SGCZ: variants seen among roughly 807,000 people sequenced by gnomAD.
SGCZ encodes zeta-sarcoglycan.
SGCZ carries 40 observed loss-of-function variants against 41.3 expected under a neutral mutation model. The observed-to-expected ratio is 0.97, with a 90% CI of 0.75 to 1.26. The LOEUF (loss-of-function observed/expected upper bound fraction) is 1.26. SGCZ is among the 50% of genes most tolerant of loss of function. SGCZ has a pLI of 0.00. For missense variants in SGCZ, 552 were observed against 369.8 expected, an observed-to-expected ratio of 1.49 and a Z score of -4.04; for synonymous variants, 206 against 137.5, an observed-to-expected ratio of 1.50 and a Z score of -3.49.
chr8:14,787,189 G>A (rs1800796108), intron 1 of SGCZ, among the ~76,000 whole-genome samples: 1 of 152,134 alleles, frequency 6.6e-6, no homozygotes, highest in East Asian at 1.9e-4. Context: ...ATCCCCATCT[G>A]CAGGGGCTGT....
chr8:14,510,318 G>A (rs951793456), intron 2 of SGCZ, among the ~76,000 whole-genome samples: 1 of 152,006 alleles, frequency 6.6e-6, no homozygotes, highest in African/African-American at 2.4e-5. Flanking sequence ...TCTGTTACTA[G>A]CTAGATAGGT....
chr8:14,559,557 C>T (rs1398022165), intron 1 of SGCZ, among the ~76,000 whole-genome samples: 5 of 151,976 alleles, frequency 3.3e-5, no homozygotes, highest in African/African-American at 1.2e-4. Flanking sequence ...ACCATACTTC[C>T]CAAAGCAATC....
chr8:14,529,085 G>A (rs1011973828), intron 2 of SGCZ, among the ~76,000 whole-genome samples: 1 of 151,938 alleles, frequency 6.6e-6, no homozygotes, highest in African/African-American at 2.4e-5. Flanking sequence ...CCACTTTTAT[G>A]ACCAATCATT....
intron 3 of SGCZ, among the ~76,000 whole-genome samples, chr8:14,268,479 G>C (rs987932366): frequency 6.6e-6 from 1 of 151,520 alleles, no homozygotes; most frequent in South Asian, 2.1e-4. Context: ...TTGCATATTT[G>C]CTATAACACA....
chr8:14,743,444 TG>T (rs1238611658), intron 1 of SGCZ, among the ~76,000 whole-genome samples: 1 of 152,080 alleles, frequency 6.6e-6, no homozygotes, highest in Non-Finnish European at 1.5e-5. Context: ...TCATATACTG[TG>T]CCCTATAGAA....
chr8:14,318,964 C>A lies in SGCZ; in HGVS notation c.336+5139G>T, dbSNP rs146150156. ...ACAAAAAAAAATATGAATTAGAGAG[C>A]GTAAGGGCAAAACTTATTTGAAAAA... On this transcript the variant is annotated intron_variant, in intron 3 of 7. Coordinates refer to ENST00000382080, the MANE Select transcript of SGCZ (RefSeq NM_139167.4). Among the ~76,000 whole-genome samples the A allele has an allele frequency of 5.8e-3, 881 of 150,690 alleles. 11 individuals are homozygous for A. The highest frequency in any genetic ancestry group is 0.021 in the African/African-American group (850 of 40,990).
intron 1 of SGCZ, among the ~76,000 whole-genome samples, chr8:14,645,789 C>G (rs1807194400): frequency 6.6e-6 from 1 of 151,594 alleles, no homozygotes; most frequent in South Asian, 2.1e-4. Flanking sequence ...GATTGATACA[C>G]TCATTAACAA....
chr8:14,151,683 G>C (rs917641196), intron 5 of SGCZ, among the ~76,000 whole-genome samples: 2 of 152,046 alleles, frequency 1.3e-5, no homozygotes, highest in African/African-American at 4.8e-5. Flanking sequence ...AATACAGTTG[G>C]AGGAATCACT....
At chr8:14,969,048 A>G (rs1011143210) in intron 1 of SGCZ, among the ~76,000 whole-genome samples, 1 of 152,102 alleles carries the variant, frequency 6.6e-6, no homozygotes. Flanking sequence ...TTTTTTGACA[A>G]GTGTGATGGA....
chr8:14,553,989 G>A (rs889311386), intron 2 of SGCZ, among the ~76,000 whole-genome samples: 2 of 152,038 alleles, frequency 1.3e-5, no homozygotes, highest in African/African-American at 2.4e-5. Flanking sequence ...GCATCAGCCA[G>A]AAAATATAAA....
At chr8:14,475,408 A>G (rs1165940883) in intron 2 of SGCZ, among the ~76,000 whole-genome samples, 5 of 152,180 alleles carry the variant, frequency 3.3e-5, no homozygotes, top group Admixed American at 2.6e-4. Flanking sequence ...TATTAACTAT[A>G]AAAAGGTTTT....
At chr8:14,947,128 G>C (rs892204460) in intron 1 of SGCZ, among the ~76,000 whole-genome samples, 1 of 152,288 alleles carries the variant, frequency 6.6e-6, no homozygotes, top group African/African-American at 2.4e-5. Flanking sequence ...ACTTTGAAAA[G>C]CAACACTCTC....
At chr8:15,069,294 A>G (rs1002223458) in intron 1 of SGCZ, among the ~76,000 whole-genome samples, 2 of 152,150 alleles carry the variant, frequency 1.3e-5, no homozygotes, top group African/African-American at 4.8e-5. Context: ...TCAGTCTCCC[A>G]AAGTGCTAGG....
chr8:14,423,448 C>T (rs72607309), intron 2 of SGCZ, among the ~76,000 whole-genome samples: 7,669 of 152,010 alleles, frequency 0.05, 465 homozygotes, highest in East Asian at 0.29. Flanking sequence ...TGGAGTTTCG[C>T]TCTTGTTGGC....
At chr8:14,258,233 T>TGTA (rs1240525473) in intron 3 of SGCZ, among the ~76,000 whole-genome samples, 1 of 98,796 alleles carries the variant, frequency 1.0e-5, no homozygotes, top group Non-Finnish European at 2.7e-5. Flanking sequence ...GTATGAAGAT[T>TGTA]ATAATGAAAA....
At chr8:14,346,060 A>G (rs1315631874) in intron 2 of SGCZ, among the ~76,000 whole-genome samples, 2 of 152,114 alleles carry the variant, frequency 1.3e-5, no homozygotes, top group Non-Finnish European at 2.9e-5. Context: ...CAAAGAGTAA[A>G]TTCTAATGTG....
At chr8:14,122,581 A>T (rs1416339528) in intron 5 of SGCZ, among the ~76,000 whole-genome samples, 1 of 152,246 alleles carries the variant, frequency 6.6e-6, no homozygotes, top group Non-Finnish European at 1.5e-5. Context: ...TAGCCATTTA[A>T]AACTATTAGA....
At chr8:14,170,946 A>T (rs1274846031) in intron 4 of SGCZ, among the ~76,000 whole-genome samples, 1 of 152,058 alleles carries the variant, frequency 6.6e-6, no homozygotes, top group Non-Finnish European at 1.5e-5. Context: ...TGAAGAAAAA[A>T]AGGATAATAA....
chr8:14,831,733 G>A (rs1445689277), intron 1 of SGCZ, among the ~76,000 whole-genome samples: 3 of 150,434 alleles, frequency 2.0e-5, no homozygotes, highest in East Asian at 3.9e-4. Flanking sequence ...TTTGAAAGCT[G>A]GTGTTAGAAG....
Sources: allele counts gnomAD v4.1 joint callset (sites outside exome capture counted in the v4.1 genomes callset), GRCh38; gene constraint gnomAD v4.1.1; transcripts MANE v1.5; gene names NCBI Gene and HGNC (gene_info 2026-07-23, HGNC 2026-07-21).